L3HYPDH: variants seen among roughly 807,000 people sequenced by gnomAD.
L3HYPDH encodes trans-L-3-hydroxyproline dehydratase, also known as trans-3-hydroxy-L-proline dehydratase.
In L3HYPDH, 32 loss-of-function variants were observed where a neutral mutation model predicts 26.5. The ratio of observed to expected loss-of-function variants is 1.21; its 90% CI spans 0.91 to 1.62. The LOEUF (loss-of-function observed/expected upper bound fraction) is 1.62, where lower values mean the gene tolerates loss of function less well. L3HYPDH is among the 40% of genes most tolerant of loss of function. The pLI is 0.00. For synonymous variants in L3HYPDH, 215 were observed against 196.6 expected, an observed-to-expected ratio of 1.09 and a Z score of -0.78; for missense variants, 554 against 476.4, an observed-to-expected ratio of 1.16 and a Z score of -1.52.
intron 4 of L3HYPDH, among the ~76,000 whole-genome samples, chr14:59,473,876 G>T (rs2139800026): frequency 6.6e-6 from 1 of 152,190 alleles, no homozygotes. Flanking sequence ...TGCAGCAGGG[G>T]AAGAAACTGA....
the L3HYPDH span, among the ~76,000 whole-genome samples, chr14:59,490,895 C>T: frequency 6.6e-6 from 1 of 152,170 alleles, no homozygotes; most frequent in South Asian, 2.1e-4. Context: ...CGTTTGAATT[C>T]AGACGTCAGC....
At chr14:59,502,750 A>ATTTTTGTTTTTTTTTTTTTGTTTTTGTT in the L3HYPDH span, among the ~76,000 whole-genome samples, 1 of 4,908 alleles carries the variant, frequency 2.0e-4, no homozygotes, top group African/African-American at 3.5e-4. Context: ...ATAAAATGAG[A>ATTTTTGTTTTTTTTTTTTTGTTTTTGTT]TTTTTTTTTT....
chr14:59,476,476 G>T (rs1196406342), intron 2 of L3HYPDH, among the ~76,000 whole-genome samples: 1 of 152,188 alleles, frequency 6.6e-6, no homozygotes. Flanking sequence ...TAAAAAAGCA[G>T]TCCTATTTTA....
At chr14:59,466,200 GCCTTCATCTGTT>G (rs1388809787) in intron 1 of L3HYPDH, among the ~76,000 whole-genome samples, 1 of 152,204 alleles carries the variant, frequency 6.6e-6, no homozygotes, top group Non-Finnish European at 1.5e-5. Flanking sequence ...CCTGCTAGCA[GCCTTCATCTGTT>G]CTCAGGAATG....
upstream of L3HYPDH, chr14:59,484,844 C>T: frequency 1.9e-6 from 2 of 1,054,404 alleles, no homozygotes; most frequent in Non-Finnish European, 2.7e-6. Flanking sequence ...TCCGAAATGT[C>T]TCTTCAGTCC....
At chr14:59,474,425 A>G (rs8013894) in intron 4 of L3HYPDH, 243,168 of 663,784 alleles carry the variant, frequency 0.37, 47,511 homozygotes, top group African/African-American at 0.57. Flanking sequence ...TAATAAATGC[A>G]TCTACTTGCC....
chr14:59,490,013 C>T, the L3HYPDH span, among the ~76,000 whole-genome samples: 319 of 152,216 alleles, frequency 2.1e-3, 1 homozygote, highest in African/African-American at 6.9e-3. Flanking sequence ...ACCTTGACTT[C>T]CTAGGCTCAA....
At chr14:59,482,419 C>T (rs970697036) in intron 1 of L3HYPDH, among the ~76,000 whole-genome samples, 19 of 152,170 alleles carry the variant, frequency 1.2e-4, no homozygotes, top group African/African-American at 4.1e-4. Flanking sequence ...TTGACTGACC[C>T]TGCCCTAACT....
At chr14:59,471,425 C>A (rs1889309528), downstream of L3HYPDH, among the ~76,000 whole-genome samples, 1 of 152,120 alleles carries the variant, frequency 6.6e-6, no homozygotes, top group African/African-American at 2.4e-5. Context: ...ACTTGCATCT[C>A]CCTTAAATGT....
chr14:59,489,895 T>G, the L3HYPDH span, among the ~76,000 whole-genome samples: 1 of 152,134 alleles, frequency 6.6e-6, no homozygotes, highest in East Asian at 1.9e-4. Context: ...TCTTTCATTT[T>G]TTTTAATGTT....
chr14:59,475,776 G>T, intron 4 of L3HYPDH, 93 bp downstream of exon 4: 1 of 1,245,374 alleles, frequency 8.0e-7, no homozygotes, highest in African/African-American at 1.5e-5. Flanking sequence ...TCTTCTGAGA[G>T]CTGAGTGAAG....
the L3HYPDH span, among the ~76,000 whole-genome samples, chr14:59,502,749 G>GA: frequency 2.9e-3 from 33 of 11,558 alleles, 1 homozygote; most frequent in African/African-American, 5.0e-3. Flanking sequence ...AATAAAATGA[G>GA]ATTTTTTTTT....
chr14:59,485,007 C>G, upstream of L3HYPDH: 1 of 1,585,812 alleles, frequency 6.3e-7, no homozygotes, highest in South Asian at 1.1e-5. Context: ...GCGCCCGTCA[C>G]AAAGGGCAGG....
chr14:59,480,035 G>A (rs3759698), intron 1 of L3HYPDH, among the ~76,000 whole-genome samples: 37,461 of 152,024 alleles, frequency 0.25, 4,807 homozygotes, highest in South Asian at 0.4. Context: ...AAGAAAGGGG[G>A]CTGGGTGATG....
chr14:59,477,034 C>T (rs1260563498), intron 2 of L3HYPDH, among the ~76,000 whole-genome samples: 1 of 152,176 alleles, frequency 6.6e-6, no homozygotes, highest in Non-Finnish European at 1.5e-5. Context: ...AGCAATGGAA[C>T]AGCTTTGGGT....
rs1198793249 is a variant in L3HYPDH at position 59,472,787 on chromosome 14, C to T, written c.*178G>A. On this transcript the variant is annotated 3_prime_UTR_variant, in exon 5 of 5. Coordinates refer to ENST00000247194, the MANE Select transcript of L3HYPDH (RefSeq NM_144581.2). ...ATGCTAGACATAAGTGATATTTATA[C>T]AAATACAGTTGCAAATACGAGGTAT... is the stretch of plus-strand genomic sequence containing the variant. 1.5e-5 allele frequency: 7 copies of T among 480,612 alleles called. No individual in the cohort carries two copies. Among genetic ancestry groups the T allele is most frequent in the Middle Eastern group, 5.4e-4 (1 of 1,864 alleles). 29.8% of individuals were successfully genotyped at this position (480,612 alleles called of 1,614,324 possible). A position where few individuals can be genotyped will look rare whatever the true frequency, so the allele number is the denominator to read the frequency against.
At chr14:59,476,592 CAT>C (rs1317159633) in intron 2 of L3HYPDH, among the ~76,000 whole-genome samples, 2 of 152,192 alleles carry the variant, frequency 1.3e-5, no homozygotes, top group Non-Finnish European at 2.9e-5. Flanking sequence ...CTAAGGCAAT[CAT>C]AGTCTTATTC....
chr14:59,492,940 G>A, the L3HYPDH span, among the ~76,000 whole-genome samples: 2 of 152,010 alleles, frequency 1.3e-5, no homozygotes, highest in South Asian at 4.2e-4. Flanking sequence ...TGGGACTACA[G>A]GCGCCTGCCA....
At chr14:59,470,223 A>T (rs1263309007), downstream of L3HYPDH, among the ~76,000 whole-genome samples, 1 of 152,186 alleles carries the variant, frequency 6.6e-6, no homozygotes, top group African/African-American at 2.4e-5. Flanking sequence ...ACAGGTAATT[A>T]AAATAGGCTC....
Sources: gnomAD v4.1 joint callset for allele counts (sites outside exome capture counted in the v4.1 genomes callset) on GRCh38, gnomAD v4.1.1 for gene constraint, MANE v1.5 for transcripts, NCBI Gene and HGNC (gene_info 2026-07-23, HGNC 2026-07-21) for gene names.